Variants in RBFOX1 observed in about 807,000 individuals in gnomAD.
RBFOX1 encodes the protein RNA binding protein fox-1 homolog 1.
A neutral mutation model predicts 57.7 loss-of-function variants in RBFOX1; 8 were observed. The observed-to-expected ratio is 0.14, with a 90% CI of 0.08 to 0.25. RBFOX1 has a LOEUF of 0.25. Among genes scored for constraint, RBFOX1 ranks in the 10% least tolerant of loss-of-function variants. RBFOX1 has a pLI of 1.00. For missense variants in RBFOX1, 611 were observed against 548.5 expected, an observed-to-expected ratio of 1.11 and a Z score of -1.14; for synonymous variants, 326 against 222.4, an observed-to-expected ratio of 1.47 and a Z score of -4.15.
chr16:6,541,598 G>C (rs1240450267), intron 2 of RBFOX1, among the ~76,000 whole-genome samples: 1 of 152,178 alleles, frequency 6.6e-6, no homozygotes, highest in Non-Finnish European at 1.5e-5. Flanking sequence ...TTTAAATAGA[G>C]GAGGGATAGG....
chr16:6,379,451 C>T (rs186412465), intron 2 of RBFOX1, among the ~76,000 whole-genome samples: 10 of 152,134 alleles, frequency 6.6e-5, no homozygotes, highest in African/African-American at 1.7e-4. Context: ...TGAACTATAT[C>T]GTCACCCTAC....
chr16:6,289,561 T>C (rs538857556), intron 1 of RBFOX1, among the ~76,000 whole-genome samples: 1 of 152,270 alleles, frequency 6.6e-6, no homozygotes, highest in African/African-American at 2.4e-5. Context: ...TGGAAGACTG[T>C]TCTCTTATGC....
chr16:7,119,373 G>T (rs997641417), intron 4 of RBFOX1, among the ~76,000 whole-genome samples: 4 of 152,182 alleles, frequency 2.6e-5, no homozygotes, highest in Middle Eastern at 3.4e-3. Context: ...CATGATGCCA[G>T]CCTCTAGAGA....
chr16:6,967,546 G>A (rs1006274171), intron 3 of RBFOX1, among the ~76,000 whole-genome samples: 1 of 152,066 alleles, frequency 6.6e-6, no homozygotes, highest in Non-Finnish European at 1.5e-5. Flanking sequence ...AGACTGACTT[G>A]CTTATGTGTT....
Position 6,147,303 on chromosome 16 carries a change from C to G in RBFOX1, c.-127+127311C>G, listed in dbSNP as rs138020077. 5.9e-5 allele frequency among the ~76,000 whole-genome samples: 9 copies of G among 152,218 alleles called. No homozygotes were observed. The East Asian group carries it at 1.7e-3, about 29-fold the overall frequency. On this transcript the variant is annotated intron_variant, in intron 1 of 15. Transcript: ENST00000550418. Reference sequence around the variant, plus strand: ...ACTTTTCCTTCCTTACCATTCTGTGCTCTCATAAGTACAGGCCAGTTTTGC... The same window carrying G: ...ACTTTTCCTTCCTTACCATTCTGTGGTCTCATAAGTACAGGCCAGTTTTGC...
At chr16:6,655,012 T>A (rs1408094493) in intron 3 of RBFOX1, among the ~76,000 whole-genome samples, 1 of 151,694 alleles carries the variant, frequency 6.6e-6, no homozygotes, top group Non-Finnish European at 1.5e-5. Flanking sequence ...TATTATTACT[T>A]ACATTATAGA....
chr16:6,585,724 A>T (rs2097601143), intron 2 of RBFOX1, among the ~76,000 whole-genome samples: 1 of 151,110 alleles, frequency 6.6e-6, no homozygotes, highest in Admixed American at 6.6e-5. Flanking sequence ...ACTGCAGTTC[A>T]AAGGGGGCAA....
chr16:6,090,819 G>C lies in RBFOX1; in HGVS notation c.-127+70827G>C, dbSNP rs1244534080. The stretch of plus-strand genomic sequence containing the variant: ...GTTAAGCTGTACAAATGTAGTCTAT[G>C]GTGGAGGGAGGGGTGAGAGCAGAGG... On this transcript the variant is annotated intron_variant, in intron 1 of 15. Transcript: ENST00000550418. Among the ~76,000 whole-genome samples, 3 of 152,128 alleles carry C rather than the reference G, an allele frequency of 2.0e-5. No individual in the cohort carries two copies. In the East Asian group the frequency reaches 5.8e-4, roughly 29 times the overall value.
chr16:6,163,597 A>G (rs1054987857), intron 1 of RBFOX1, among the ~76,000 whole-genome samples: 6 of 152,178 alleles, frequency 3.9e-5, no homozygotes, highest in African/African-American at 9.7e-5. Flanking sequence ...GGTGTTCTGT[A>G]AGCCTGAGAA....
At chr16:6,220,502 TAA>T (rs2097365517) in intron 1 of RBFOX1, among the ~76,000 whole-genome samples, 1 of 152,224 alleles carries the variant, frequency 6.6e-6, no homozygotes, top group South Asian at 2.1e-4. Flanking sequence ...TATTGAGTTA[TAA>T]GTCTTTGATA....
At position 7,619,485 on chromosome 16, in the gene RBFOX1, G is replaced by A. The variant is rs778277618; in HGVS notation, c.677-11118G>A. 4.5e-5 allele frequency among the ~76,000 whole-genome samples: 6 copies of A among 134,600 alleles called. No homozygotes were observed. The East Asian group carries it at 1.3e-3, about 30-fold the overall frequency. The allele number at this position is 134,600 out of a possible 152,430, so 88.3% of individuals were successfully genotyped here. A position where few individuals can be genotyped will look rare whatever the true frequency, so the allele number is the denominator to read the frequency against. Reference sequence around the variant, plus strand: ...TTTCTACTCTCACCAAAAAAGTCAGGTTAAAATTTTAAGCCTAATCTGAGA... The same window carrying A: ...TTTCTACTCTCACCAAAAAAGTCAGATTAAAATTTTAAGCCTAATCTGAGA... On this transcript the variant is annotated intron_variant, in intron 10 of 15. Transcript: ENST00000550418.
chr16:5,332,729 A>G (rs2064789123), intron 1 of RBFOX1, among the ~76,000 whole-genome samples: 1 of 151,610 alleles, frequency 6.6e-6, no homozygotes, highest in Admixed American at 6.6e-5. Flanking sequence ...CCATGTGTAG[A>G]TATTATTTTT....
chr16:7,024,693 C>A (rs1308625148), intron 3 of RBFOX1, among the ~76,000 whole-genome samples: 3 of 152,138 alleles, frequency 2.0e-5, no homozygotes, highest in African/African-American at 7.2e-5. Context: ...GGAGGAGCCC[C>A]AGGCACAAAT....
chr16:5,993,378 TGTGTGTGA>T (rs1339037238), intron 4 of RBFOX1, among the ~76,000 whole-genome samples: 1 of 28,094 alleles, frequency 3.6e-5, no homozygotes, highest in Non-Finnish European at 7.5e-5. Flanking sequence ...TGTGTGTGTG[TGTGTGTGA>T]GAGAGAGAGA....
At chr16:7,484,013 C>A (rs1476255315) in intron 4 of RBFOX1, among the ~76,000 whole-genome samples, 8 of 152,182 alleles carry the variant, frequency 5.3e-5, no homozygotes, top group Non-Finnish European at 1.2e-4. Context: ...CCCCCCATTC[C>A]CTAACCCCTG....
chr16:7,329,826 C>T (rs1002948730), intron 4 of RBFOX1, among the ~76,000 whole-genome samples: 4 of 152,124 alleles, frequency 2.6e-5, no homozygotes, highest in Non-Finnish European at 5.9e-5. Flanking sequence ...CAGAAAATAT[C>T]CCCGGCACAA....
chr16:7,135,409 GATTTATGACT>G (rs1711934367), intron 4 of RBFOX1, among the ~76,000 whole-genome samples: 1 of 152,220 alleles, frequency 6.6e-6, no homozygotes, highest in Non-Finnish European at 1.5e-5. Flanking sequence ...CACAAAGTAA[GATTTATGACT>G]TTGCATCTTC....
chr16:7,238,284 C>G (rs1221410220), intron 4 of RBFOX1, among the ~76,000 whole-genome samples: 1 of 151,964 alleles, frequency 6.6e-6, no homozygotes, highest in East Asian at 1.9e-4. Flanking sequence ...CTGTGCAACA[C>G]TGTGAATGTA....
At chr16:5,881,664 A>C (rs1035384641) in intron 4 of RBFOX1, among the ~76,000 whole-genome samples, 1 of 152,090 alleles carries the variant, frequency 6.6e-6, no homozygotes, top group Non-Finnish European at 1.5e-5. Flanking sequence ...TGGGTGACAG[A>C]GCAAGACTCC....
Sources: allele counts gnomAD v4.1 joint callset (sites outside exome capture counted in the v4.1 genomes callset), GRCh38; gene constraint gnomAD v4.1.1; transcripts MANE v1.5; gene names NCBI Gene and HGNC (gene_info 2026-07-23, HGNC 2026-07-21).